Variants in DENND5A observed in about 807,000 individuals in gnomAD.
DENND5A encodes the protein DENN domain-containing protein 5A.
DENND5A carries 64 observed loss-of-function variants against 140.3 expected under a neutral mutation model. That is an observed-to-expected ratio of 0.46 (90% confidence interval 0.37 to 0.56). DENND5A has a LOEUF of 0.56. Among genes scored for constraint, DENND5A ranks in the 20% least tolerant of loss-of-function variants. DENND5A has a pLI of 0.00. For missense variants in DENND5A, 1,292 were observed against 1,593.8 expected (o/e 0.81, Z 3.22); for synonymous variants, 605 against 607.7 (o/e 1.00, Z 0.07).
Position 9,208,687 on chromosome 11 carries a change from C to T in DENND5A, c.110-1055G>A, listed in dbSNP as rs375894839. ...CACAATTTTCAAATTCTGATAGGAC[C>T]CAACCTTCTTTCTGTTATTAAAAGC... On this transcript the variant is annotated intron_variant, in intron 1 of 22. Coordinates refer to ENST00000328194, the MANE Select transcript of DENND5A (RefSeq NM_015213.4). Among the ~76,000 whole-genome samples, 67 of 152,264 alleles carry T rather than the reference C, an allele frequency of 4.4e-4. No homozygotes were observed. The East Asian group carries it at 0.01, about 24-fold the overall frequency.
Position 9,164,056 on chromosome 11 carries a change from G to GTTTTTTTT in DENND5A, c.2283+1772_2283+1779dup. On this transcript the variant is annotated intron_variant, in intron 11 of 22. Transcript: ENST00000328194. ...ATATCAGTACTGATATATTAATCAG[G>GTTTTTTTT]TTTTTTTTTTTTTTTTTTTTTTTTT... Among the ~76,000 whole-genome samples, 110 of 57,976 alleles carry GTTTTTTTT rather than the reference G, an allele frequency of 1.9e-3. 28 individuals carry two copies. The highest frequency in any genetic ancestry group is 2.2e-3 in the Non-Finnish European group (70 of 31,402). 38.0% of individuals were successfully genotyped at this position (57,976 alleles called of 152,430 possible). A position where few individuals can be genotyped will look rare whatever the true frequency, so the allele number is the denominator to read the frequency against.
intron 1 of DENND5A, among the ~76,000 whole-genome samples, chr11:9,256,693 A>C (rs1233661850): frequency 1.3e-5 from 2 of 152,290 alleles, no homozygotes; most frequent in Non-Finnish European, 1.5e-5. Context: ...GCAAATCTAT[A>C]GAGATAGAAA....
At chr11:9,145,623 T>C in intron 17 of DENND5A, 47 bp downstream of exon 17, 3 of 1,609,326 alleles carry the variant, frequency 1.9e-6, no homozygotes, top group South Asian at 1.1e-5. Flanking sequence ...AAAGCGGCTG[T>C]TGCAAACTCA....
At chr11:9,144,421 A>G (rs1217666515) in intron 18 of DENND5A, 143 bp from the exon 19 acceptor site, 3 of 821,276 alleles carry the variant, frequency 3.7e-6, no homozygotes, top group East Asian at 5.3e-5. Flanking sequence ...TCCACCATGT[A>G]TCATCAGAGA....
At chr11:9,195,227 T>A (rs997727843) in intron 4 of DENND5A, among the ~76,000 whole-genome samples, 1 of 151,720 alleles carries the variant, frequency 6.6e-6, no homozygotes, top group Non-Finnish European at 1.5e-5. Context: ...ATTACAGGCA[T>A]GCGCCACCAC....
chr11:9,165,280 G>C (rs971195487), intron 11 of DENND5A, among the ~76,000 whole-genome samples: 1 of 152,110 alleles, frequency 6.6e-6, no homozygotes, highest in Non-Finnish European at 1.5e-5. Context: ...GATTACAGGT[G>C]TGAGCCACTG....
intron 1 of DENND5A, among the ~76,000 whole-genome samples, chr11:9,212,034 A>G (rs1410330000): frequency 6.6e-6 from 1 of 152,152 alleles, no homozygotes; most frequent in Non-Finnish European, 1.5e-5. Flanking sequence ...ACTGACCTTG[A>G]AAAATGAACA....
At position 9,170,032 on chromosome 11, in the gene DENND5A, A is replaced by G; in HGVS notation, c.2058-83T>C. 3.9e-6 allele frequency: 4 copies of G among 1,034,686 alleles called. No individual in the cohort carries two copies. In the South Asian group the frequency reaches 5.2e-5, roughly 14 times the overall value. The allele number at this position is 1,034,686 out of a possible 1,614,324, so 64.1% of individuals were successfully genotyped here. A position where few individuals can be genotyped will look rare whatever the true frequency, so the allele number is the denominator to read the frequency against. ...CAACTAACAGGAGAAAACATGAATG[A>G]CTACGAGTCAATGCTGGACACAGGA... On this transcript the variant is annotated intron_variant, in intron 9 of 22. Coordinates refer to ENST00000328194, the MANE Select transcript of DENND5A (RefSeq NM_015213.4).
intron 1 of DENND5A, among the ~76,000 whole-genome samples, chr11:9,244,254 A>G (rs192056191): frequency 2.8e-4 from 43 of 152,348 alleles, no homozygotes; most frequent in Admixed American, 9.8e-4. Flanking sequence ...TCCAAAATTC[A>G]GGTGTTGCCA....
intron 1 of DENND5A, among the ~76,000 whole-genome samples, chr11:9,240,357 T>C (rs1032112847): frequency 6.6e-6 from 1 of 152,008 alleles, no homozygotes; most frequent in Admixed American, 6.6e-5. Flanking sequence ...GTTGCACCAT[T>C]GCACTCCACC....
chr11:9,178,056 T>C, intron 8 of DENND5A, 76 bp downstream of exon 8: 1 of 993,284 alleles, frequency 1.0e-6, no homozygotes, highest in Non-Finnish European at 1.6e-6. Context: ...ATAAAGAGGC[T>C]GGCATATTTA....
At chr11:9,177,512 A>G (rs1848585136) in intron 8 of DENND5A, among the ~76,000 whole-genome samples, 1 of 151,802 alleles carries the variant, frequency 6.6e-6, no homozygotes, top group Admixed American at 6.6e-5. Context: ...TTAATTAGCC[A>G]GGCATGGGAG....
intron 11 of DENND5A, 108 bp downstream of exon 11, chr11:9,165,728 C>T (rs1040093920): frequency 5.2e-6 from 7 of 1,357,242 alleles, no homozygotes; most frequent in Middle Eastern, 4.2e-4. Flanking sequence ...GCCATCACGC[C>T]CAGCCAACAG....
Position 9,187,827 on chromosome 11 carries a change from G to C in DENND5A, c.1137+5667C>G, listed in dbSNP as rs1848970659. ...TACCTTCACTTGCTCAGGGCCAGCT[G>C]AGCTCATGTGTTGGTGCAAAAAGGA... On this transcript the variant is annotated intron_variant, in intron 5 of 22. Coordinates refer to ENST00000328194, the MANE Select transcript of DENND5A (RefSeq NM_015213.4). 2.6e-5 allele frequency among the ~76,000 whole-genome samples: 4 copies of C among 152,312 alleles called. No homozygotes were observed. In the South Asian group the frequency reaches 8.3e-4, roughly 32 times the overall value.
intron 5 of DENND5A, among the ~76,000 whole-genome samples, chr11:9,185,276 A>T (rs1727943897): frequency 1.3e-5 from 2 of 152,222 alleles, no homozygotes; most frequent in South Asian, 4.1e-4. Flanking sequence ...CTCCTTCCCT[A>T]GCCAGAAGTC....
At position 9,265,203 on chromosome 11, in the gene DENND5A, C is replaced by T; in HGVS notation, c.-134G>A. On this transcript the variant is annotated 5_prime_UTR_variant, in exon 1 of 23. Coordinates refer to ENST00000328194, the MANE Select transcript of DENND5A (RefSeq NM_015213.4). This position sits in a 1 kb window ranked among gnomAD's most constrained non-coding sequence, Gnocchi z 4.7. ...GCGGCTCGGGCCGCCGCCCCCGGCC[C>T]TGGCCCGGTCCCCTCGGCCGCCGCG... 9.0e-6 allele frequency: 3 copies of T among 334,300 alleles called. No individual in the cohort carries two copies. Among genetic ancestry groups the T allele is most frequent in the Non-Finnish European group, 1.3e-5 (3 of 228,734 alleles). The allele number at this position is 334,300 out of a possible 1,614,324, so 20.7% of individuals were successfully genotyped here. A position where few individuals can be genotyped will look rare whatever the true frequency, so the allele number is the denominator to read the frequency against.
chr11:9,142,674 T>C (rs759329139), intron 21 of DENND5A, 48 bp downstream of exon 21: 41 of 1,611,300 alleles, frequency 2.5e-5, no homozygotes, highest in African/African-American at 1.2e-4. Flanking sequence ...GTGAGTCCCC[T>C]TATATCTCTA....
At chr11:9,177,592 G>C (rs1848587120) in intron 8 of DENND5A, among the ~76,000 whole-genome samples, 1 of 152,006 alleles carries the variant, frequency 6.6e-6, no homozygotes, top group South Asian at 2.1e-4. Flanking sequence ...GAGTTCAAAA[G>C]CTGCAGTGAG....
chr11:9,222,797 A>C (rs1271898246), intron 1 of DENND5A, among the ~76,000 whole-genome samples: 3 of 152,214 alleles, frequency 2.0e-5, no homozygotes, highest in Admixed American at 1.3e-4. Flanking sequence ...GAGGAAAAGC[A>C]AAGAGGCCTC....
Sources: allele counts gnomAD v4.1 joint callset (sites outside exome capture counted in the v4.1 genomes callset), GRCh38; gene constraint gnomAD v4.1.1; non-coding constraint Gnocchi (gnomAD v3.1); transcripts MANE v1.5; gene names NCBI Gene and HGNC (gene_info 2026-07-23, HGNC 2026-07-21).